The following NRXN1 variants were observed in gnomAD, a reference collection of about 807,000 sequenced individuals.
The protein encoded by NRXN1 is neurexin 1, also known as neurexin-1.
A neutral mutation model predicts 150.9 loss-of-function variants in NRXN1; 39 were observed. The ratio of observed to expected loss-of-function variants is 0.26; its 90% CI spans 0.20 to 0.34. The LOEUF (loss-of-function observed/expected upper bound fraction) is 0.34. Among genes scored for constraint, NRXN1 ranks in the 10% least tolerant of loss-of-function variants. The pLI is 1.00. For missense variants in NRXN1, 1,815 were observed against 1,949.9 expected (o/e 0.93, Z 1.30); for synonymous variants, 924 against 757.0 (o/e 1.22, Z -3.62).
intron 2 of NRXN1, among the ~76,000 whole-genome samples, chr2:50,978,192 C>A (rs1696165554): frequency 6.8e-6 from 1 of 147,238 alleles, no homozygotes; most frequent in African/African-American, 2.5e-5. Context: ...TGTAAGTCCA[C>A]TGCCCAGAGG....
At chr2:50,883,339 T>A (rs1050135314) in intron 5 of NRXN1, among the ~76,000 whole-genome samples, 4 of 151,796 alleles carry the variant, frequency 2.6e-5, no homozygotes, top group Admixed American at 6.6e-5. Context: ...GCTACTGAAA[T>A]TGACATTGCT....
chr2:50,374,937 C>T (rs2153023424), intron 17 of NRXN1, among the ~76,000 whole-genome samples: 1 of 152,210 alleles, frequency 6.6e-6, no homozygotes, highest in African/African-American at 2.4e-5. Context: ...AAATGAAATG[C>T]TGCAAGTCTA....
At chr2:50,432,474 C>T (rs1329619156) in intron 17 of NRXN1, 2 of 152,200 alleles carry the variant, frequency 1.3e-5, no homozygotes, top group East Asian at 3.8e-4. Context: ...TCCACAGATG[C>T]TAGTTGCCTA....
At chr2:50,374,073 A>G (rs547818351) in intron 17 of NRXN1, among the ~76,000 whole-genome samples, 2 of 103,274 alleles carry the variant, frequency 1.9e-5, no homozygotes, top group South Asian at 5.8e-4. Context: ...CGAGGTGGGG[A>G]GGATCACTTC....
intron 17 of NRXN1, among the ~76,000 whole-genome samples, chr2:50,363,586 A>G (rs1331176229): frequency 6.6e-6 from 1 of 152,190 alleles, no homozygotes; most frequent in Non-Finnish European, 1.5e-5. Flanking sequence ...AAAAGTCAGG[A>G]AACAACAGAT....
chr2:50,019,085 G>T (rs1269032406), intron 21 of NRXN1, among the ~76,000 whole-genome samples: 2 of 151,796 alleles, frequency 1.3e-5, no homozygotes, highest in African/African-American at 4.8e-5. Context: ...TCCCTGTTTT[G>T]CAAATCCTTC....
intron 17 of NRXN1, among the ~76,000 whole-genome samples, chr2:50,418,136 G>C (rs1329895610): frequency 6.6e-6 from 1 of 151,996 alleles, no homozygotes; most frequent in Non-Finnish European, 1.5e-5. Flanking sequence ...CTTTGTACTT[G>C]AGAGTTATTT....
At chr2:50,781,642 C>A (rs1704363393) in intron 5 of NRXN1, among the ~76,000 whole-genome samples, 1 of 152,178 alleles carries the variant, frequency 6.6e-6, no homozygotes. Context: ...ACCAGACTTT[C>A]TAAAGAGGTT....
At chr2:50,758,657 AGAAAT>A (rs1701434188) in intron 5 of NRXN1, among the ~76,000 whole-genome samples, 1 of 151,922 alleles carries the variant, frequency 6.6e-6, no homozygotes, top group Admixed American at 6.6e-5. Context: ...TCTTGCATCC[AGAAAT>A]GAATTCGACT....
chr2:50,329,617 G>GTGTGTA (rs2076653840), intron 17 of NRXN1, among the ~76,000 whole-genome samples: 1 of 13,990 alleles, frequency 7.1e-5, no homozygotes, highest in South Asian at 4.2e-3. Context: ...GTGTGTGTGT[G>GTGTGTA]TATATATATA....
intron 5 of NRXN1, among the ~76,000 whole-genome samples, chr2:50,803,295 A>G (rs1707869536): frequency 6.6e-6 from 1 of 152,216 alleles, no homozygotes; most frequent in African/African-American, 2.4e-5. Context: ...AAGCCTTTTC[A>G]GAAAATGTTG....
chr2:50,328,652 T>C (rs910821848), intron 17 of NRXN1, among the ~76,000 whole-genome samples: 3 of 151,974 alleles, frequency 2.0e-5, no homozygotes, highest in Non-Finnish European at 2.9e-5. Context: ...AGGAAAATCG[T>C]TTGAAACCAG....
chr2:50,202,500 C>A (rs2062248572), intron 18 of NRXN1, among the ~76,000 whole-genome samples: 1 of 151,742 alleles, frequency 6.6e-6, no homozygotes, highest in Non-Finnish European at 1.5e-5. Flanking sequence ...AGTGAGAATC[C>A]ATCTCACAAA....
intron 5 of NRXN1, among the ~76,000 whole-genome samples, chr2:50,872,530 G>T (rs1574782892): frequency 6.6e-6 from 1 of 151,794 alleles, no homozygotes; most frequent in South Asian, 2.1e-4. Context: ...AGGAGACAAA[G>T]TAGAGGTTGA....
At chr2:50,823,186 A>C (rs955105874) in intron 5 of NRXN1, among the ~76,000 whole-genome samples, 1 of 152,112 alleles carries the variant, frequency 6.6e-6, no homozygotes, top group Non-Finnish European at 1.5e-5. Flanking sequence ...GCTCCTTCAA[A>C]TGTTATTAAG....
intron 12 of NRXN1, among the ~76,000 whole-genome samples, chr2:50,507,846 T>G (rs2092303708): frequency 6.6e-6 from 1 of 152,018 alleles, no homozygotes; most frequent in Non-Finnish European, 1.5e-5. Context: ...GGGCATTATA[T>G]CATTGAGTTT....
chr2:50,947,109 T>G (rs983792586), intron 2 of NRXN1, among the ~76,000 whole-genome samples: 1 of 152,120 alleles, frequency 6.6e-6, no homozygotes, highest in African/African-American at 2.4e-5. Context: ...CAGAAATTTC[T>G]TACATGACAA....
chr2:49,945,911 G>C (rs568793149), intron 21 of NRXN1, among the ~76,000 whole-genome samples: 1 of 152,090 alleles, frequency 6.6e-6, no homozygotes, highest in African/African-American at 2.4e-5. Flanking sequence ...CCAGTAATGG[G>C]ATTGCTGGGT....
At chr2:50,489,187 G>T (rs190648551) in intron 15 of NRXN1, among the ~76,000 whole-genome samples, 2 of 152,332 alleles carry the variant, frequency 1.3e-5, no homozygotes, top group East Asian at 3.9e-4. Context: ...CCTCCTTGTG[G>T]CTGTTCCAAG....
Sources: allele counts gnomAD v4.1 joint callset (sites outside exome capture counted in the v4.1 genomes callset), GRCh38; gene constraint gnomAD v4.1.1; transcripts MANE v1.5; gene names NCBI Gene and HGNC (gene_info 2026-07-23, HGNC 2026-07-21).